Variants in CMIP observed in about 807,000 individuals in gnomAD.
CMIP encodes the protein C-Maf-inducing protein.
CMIP carries 13 observed loss-of-function variants against 97.3 expected under a neutral mutation model. The ratio of observed to expected loss-of-function variants is 0.13; its 90% CI spans 0.09 to 0.21. The LOEUF is 0.21. Ranked by LOEUF, CMIP falls within the 10% of genes least tolerant of loss-of-function variation. The pLI, the probability that CMIP is intolerant of heterozygous loss-of-function variation, is 1.00. For missense variants in CMIP, 847 were observed against 1,024.9 expected, an observed-to-expected ratio of 0.83 and a Z score of 2.37; for synonymous variants, 538 against 436.3, an observed-to-expected ratio of 1.23 and a Z score of -2.91.
chr16:81,504,622 G>A (rs2089671652), intron 1 of CMIP, among the ~76,000 whole-genome samples: 1 of 116,336 alleles, frequency 8.6e-6, no homozygotes, highest in African/African-American at 3.5e-5. Context: ...CAGCCTCGGC[G>A]ACAGAGTGAG....
chr16:81,709,792 C>T lies in CMIP; in HGVS notation c.2315C>T (p.Ala772Val). The T allele has an allele frequency of 3.1e-6, 5 of 1,613,922 alleles. No homozygotes were observed. The highest frequency in any genetic ancestry group is 4.2e-6 in the Non-Finnish European group (5 of 1,179,836). The change falls in exon 21 of 21, where the codon GCC (alanine) becomes GTC (valine). Residue 772 changes from alanine (A) to valine (V), a missense_variant. By Grantham distance (64) the Ala-to-Val change is moderately conservative (BLOSUM62 0). Coordinates refer to ENST00000537098, the MANE Select transcript of CMIP (RefSeq NM_198390.3). ...GAAGTGGACGTCCGCTACACCGAAG[C>T]CTGGTGAAGCTCCCAGCTCAAGGCA... ...LKEVDVRYTE[A>V]W is the part of the protein sequence containing the mutation.
At chr16:81,530,928 T>C (rs1314989204) in intron 1 of CMIP, among the ~76,000 whole-genome samples, 1 of 152,162 alleles carries the variant, frequency 6.6e-6, no homozygotes, top group Non-Finnish European at 1.5e-5. Flanking sequence ...CACCCGCCCT[T>C]CTCCTGCTGA....
intron 1 of CMIP, among the ~76,000 whole-genome samples, chr16:81,578,967 T>G (rs577747679): frequency 6.6e-6 from 1 of 152,242 alleles, no homozygotes; most frequent in Admixed American, 6.5e-5. Flanking sequence ...AACACTGGAC[T>G]AAGAGTCAGG....
chr16:81,649,793 GC>G (rs2092406634), intron 3 of CMIP, among the ~76,000 whole-genome samples: 1 of 149,214 alleles, frequency 6.7e-6, no homozygotes, highest in South Asian at 2.1e-4. Context: ...TTGCTTTGGG[GC>G]TTGATATAGG....
intron 1 of CMIP, among the ~76,000 whole-genome samples, chr16:81,477,007 A>G (rs568717624): frequency 1.3e-5 from 2 of 151,924 alleles, no homozygotes; most frequent in African/African-American, 2.4e-5. Flanking sequence ...TTTGGGCTTC[A>G]TCTATAGTAG....
At chr16:81,672,360 G>A (rs2092690606) in intron 9 of CMIP, among the ~76,000 whole-genome samples, 1 of 152,240 alleles carries the variant, frequency 6.6e-6, no homozygotes, top group Non-Finnish European at 1.5e-5. Context: ...CACCACTGGA[G>A]AGGTATGACA....
intron 1 of CMIP, among the ~76,000 whole-genome samples, chr16:81,492,928 C>A (rs908678940): frequency 6.6e-6 from 1 of 151,892 alleles, no homozygotes; most frequent in Non-Finnish European, 1.5e-5. Context: ...GAGAAGGGAG[C>A]GGCCGAAGAG....
At chr16:81,644,034 A>C (rs1422636860) in intron 3 of CMIP, among the ~76,000 whole-genome samples, 3 of 152,186 alleles carry the variant, frequency 2.0e-5, no homozygotes, top group Admixed American at 2.0e-4. Context: ...GAGAGAAAAA[A>C]AATAGTGTTC....
intron 13 of CMIP, among the ~76,000 whole-genome samples, chr16:81,694,095 A>G (rs978452791): frequency 8.5e-5 from 13 of 152,188 alleles, no homozygotes; most frequent in African/African-American, 2.4e-4. Flanking sequence ...GCCCCGGGTC[A>G]CACACATTCC....
At chr16:81,471,038 A>G (rs1157366135) in intron 1 of CMIP, among the ~76,000 whole-genome samples, 1 of 152,210 alleles carries the variant, frequency 6.6e-6, no homozygotes, top group Non-Finnish European at 1.5e-5. Flanking sequence ...GTGCATACAC[A>G]CATGCACACA....
intron 9 of CMIP, among the ~76,000 whole-genome samples, chr16:81,673,042 A>T (rs896882807): frequency 6.6e-6 from 1 of 152,178 alleles, no homozygotes; most frequent in African/African-American, 2.4e-5. Context: ...AGAGCAATAA[A>T]ACCGAGTGGT....
At position 81,453,372 on chromosome 16, in the gene CMIP, G is replaced by C. The variant is rs552868311; in HGVS notation, c.300+7831G>C. Among the ~76,000 whole-genome samples the C allele has an allele frequency of 6.6e-6, 1 of 152,338 alleles. No individual in the cohort carries two copies. Among genetic ancestry groups the C allele is most frequent in the South Asian group, 2.1e-4 (1 of 4,830 alleles). ...ACAGCCATCTGGGTGCTTCCCTTGG[G>C]CTGGGCTGGCTGCATCCAGCTCAGG... On this transcript the variant is annotated intron_variant, in intron 1 of 20. Transcript: ENST00000537098. This position sits in a 1 kb window ranked among gnomAD's most constrained non-coding sequence, Gnocchi z 4.0.
intron 10 of CMIP, among the ~76,000 whole-genome samples, chr16:81,689,570 G>A (rs2151076359): frequency 6.6e-6 from 1 of 152,286 alleles, no homozygotes; most frequent in East Asian, 1.9e-4. Flanking sequence ...TGTCAGATGG[G>A]TAGATTGTAA....
intron 10 of CMIP, among the ~76,000 whole-genome samples, chr16:81,687,329 G>T (rs750216332): frequency 1.3e-5 from 2 of 152,194 alleles, no homozygotes; most frequent in Non-Finnish European, 2.9e-5. Flanking sequence ...GGACAGCTCT[G>T]TGATTCGGAT....
chr16:81,546,478 G>T (rs1230758926), intron 1 of CMIP, among the ~76,000 whole-genome samples: 1 of 152,156 alleles, frequency 6.6e-6, no homozygotes, highest in Non-Finnish European at 1.5e-5. Context: ...TGGGGAAGGA[G>T]AAGAGGCTCT....
intron 1 of CMIP, among the ~76,000 whole-genome samples, chr16:81,590,456 A>G (rs2092476190): frequency 6.6e-6 from 1 of 152,160 alleles, no homozygotes; most frequent in Admixed American, 6.5e-5. Context: ...TCACTTCTGG[A>G]TCATGTCCAG....
At chr16:81,602,919 T>C (rs530560196) in intron 1 of CMIP, among the ~76,000 whole-genome samples, 1 of 152,302 alleles carries the variant, frequency 6.6e-6, no homozygotes, top group African/African-American at 2.4e-5. Context: ...GATAGGAAAG[T>C]ACCCAGAACG....
intron 1 of CMIP, among the ~76,000 whole-genome samples, chr16:81,455,649 G>C (rs1015963153): frequency 1.3e-5 from 2 of 152,162 alleles, no homozygotes; most frequent in Non-Finnish European, 2.9e-5. Flanking sequence ...AGCCTTTCTC[G>C]GTGTGCACAC....
intron 16 of CMIP, among the ~76,000 whole-genome samples, chr16:81,702,089 C>T (rs1004888588): frequency 6.6e-6 from 1 of 152,216 alleles, no homozygotes; most frequent in Non-Finnish European, 1.5e-5. Flanking sequence ...ACCCAACTTC[C>T]AAATGCCAGC....
Sources: gnomAD v4.1 joint callset for allele counts (sites outside exome capture counted in the v4.1 genomes callset) on GRCh38, gnomAD v4.1.1 for gene constraint, Gnocchi (gnomAD v3.1) non-coding constraint, MANE v1.5 for transcripts, NCBI Gene and HGNC (gene_info 2026-07-23, HGNC 2026-07-21) for gene names.